Variants in MPRIP observed in about 807,000 individuals in gnomAD.
MPRIP encodes the protein myosin phosphatase Rho-interacting protein.
Under a neutral mutation model 234.9 loss-of-function variants are expected in MPRIP, and 59 were observed. The observed-to-expected ratio is 0.25, with a 90% CI of 0.20 to 0.31. The LOEUF is 0.31. MPRIP is among the 10% of genes least tolerant of loss of function. MPRIP has a pLI of 1.00. For synonymous variants in MPRIP, 1,144 were observed against 1,263.9 expected (o/e 0.91, Z 2.01); for missense variants, 2,436 against 3,071.0 (o/e 0.79, Z 4.89).
At chr17:17,062,438 C>A (rs1307341153) in intron 1 of MPRIP, among the ~76,000 whole-genome samples, 1 of 152,246 alleles carries the variant, frequency 6.6e-6, no homozygotes, top group Non-Finnish European at 1.5e-5. Flanking sequence ...CATCAACTCT[C>A]AATCTTTGTC....
At chr17:17,071,589 C>G (rs767768157) in intron 1 of MPRIP, among the ~76,000 whole-genome samples, 2 of 152,174 alleles carry the variant, frequency 1.3e-5, no homozygotes, top group Non-Finnish European at 2.9e-5. Flanking sequence ...TTTCAAGGCA[C>G]TGTTTTTGAA....
chr17:17,091,406 C>T (rs756621920), intron 3 of MPRIP, among the ~76,000 whole-genome samples: 3 of 152,084 alleles, frequency 2.0e-5, no homozygotes, highest in Non-Finnish European at 2.9e-5. Flanking sequence ...AGACAGATGC[C>T]GCTTGCTCCG....
In MPRIP at chr17:17,167,950, T is replaced by G. The variant is rs545354750; in HGVS notation, c.6324+35T>G. The G allele has an allele frequency of 9.4e-5, 120 of 1,270,516 alleles. No individual in the cohort carries two copies. Among genetic ancestry groups the G allele is most frequent in the Middle Eastern group, 2.2e-4 (1 of 4,580 alleles). The allele number at this position is 1,270,516 out of a possible 1,614,324, so 78.7% of individuals were successfully genotyped here. A position where few individuals can be genotyped will look rare whatever the true frequency, so the allele number is the denominator to read the frequency against. On this transcript the variant is annotated intron_variant, in intron 16 of 23. Transcript: ENST00000651222. The surrounding 1 kb of genome is among the most constrained non-coding windows in gnomAD (Gnocchi z 5.9). ...CCCCATTCAATTTGCAGAGCAGATC[T>G]TCCTTGATAATGGGGTGGGTGTGGG... is the stretch of plus-strand genomic sequence containing the variant.
chr17:17,186,456 T>C lies in MPRIP; in HGVS notation c.*1562T>C, dbSNP rs2046477068. Reference sequence around the variant, plus strand: ...AATAACTAAGTGCTCTCCACTGGCATCGAGCCCTTTCCACAAGTTTTTAAG... The same window carrying C: ...AATAACTAAGTGCTCTCCACTGGCACCGAGCCCTTTCCACAAGTTTTTAAG... On this transcript the variant is annotated 3_prime_UTR_variant, in exon 24 of 24. Coordinates refer to ENST00000651222, the MANE Select transcript of MPRIP (RefSeq NM_001364716.4). The C allele has an allele frequency of 6.6e-6, 1 of 152,230 alleles. No individual in the cohort carries two copies. Among genetic ancestry groups the C allele is most frequent in the South Asian group, 2.1e-4 (1 of 4,832 alleles). The allele number at this position is 152,230 out of a possible 1,614,324, so 9.4% of individuals were successfully genotyped here.
At chr17:17,171,359 T>G (rs1224062574) in intron 16 of MPRIP, 2 of 195,448 alleles carry the variant, frequency 1.0e-5, no homozygotes, top group Non-Finnish European at 2.1e-5. Context: ...TTCCTTCCTG[T>G]GGGTCCCACC....
chr17:17,165,012 G>A lies in MPRIP; in HGVS notation c.3421G>A (p.Asp1141Asn). 7.7e-7 allele frequency: 1 copy of A among 1,301,742 alleles called. No homozygotes were observed. Among genetic ancestry groups the A allele is most frequent in the Non-Finnish European group, 1.0e-6 (1 of 988,808 alleles). 80.6% of individuals were successfully genotyped at this position (1,301,742 alleles called of 1,614,324 possible). ...LREKLRRREA[D>N]NQSLEHSYQR... ...GGAAAAGCTGAGGAGAAGAGAGGCT[G>A]ACAACCAGAGCCTGGAGCACTCCTA... is the stretch of plus-strand genomic sequence containing the variant. Residue 1141 changes from aspartate to asparagine, a missense_variant, in exon 16 of 24, where the codon GAC becomes AAC. By Grantham distance (23) the Asp-to-Asn change is conservative. Coordinates refer to ENST00000651222, the MANE Select transcript of MPRIP (RefSeq NM_001364716.4).
chr17:17,129,701 A>G (rs1360419264), intron 4 of MPRIP, among the ~76,000 whole-genome samples: 1 of 152,054 alleles, frequency 6.6e-6, no homozygotes, highest in East Asian at 1.9e-4. Flanking sequence ...TCCAGGTTCC[A>G]TCCTGCAAGG....
At chr17:17,174,679 C>G (rs2144681038) in intron 19 of MPRIP, among the ~76,000 whole-genome samples, 1 of 151,720 alleles carries the variant, frequency 6.6e-6, no homozygotes, top group South Asian at 2.1e-4. Context: ...ACTAAAAATA[C>G]AAAAAATTAG....
chr17:17,121,959 A>G (rs1367926009), intron 3 of MPRIP, among the ~76,000 whole-genome samples: 3 of 152,210 alleles, frequency 2.0e-5, no homozygotes, highest in Non-Finnish European at 2.9e-5. Context: ...AGTGGCCTCC[A>G]GCTCCATCCA....
At chr17:17,053,264 C>T (rs2088596486) in intron 1 of MPRIP, among the ~76,000 whole-genome samples, 2 of 152,112 alleles carry the variant, frequency 1.3e-5, no homozygotes, top group Non-Finnish European at 2.9e-5. Context: ...GCTCCATTTT[C>T]CATGCTAATG....
chr17:17,114,652 G>GA (rs1454086277), intron 3 of MPRIP, among the ~76,000 whole-genome samples: 2 of 152,202 alleles, frequency 1.3e-5, no homozygotes. Flanking sequence ...TGAGGGGGAT[G>GA]AAAAGCTGTT....
chr17:17,157,929 G>A (rs1307037973), intron 13 of MPRIP, among the ~76,000 whole-genome samples: 2 of 152,154 alleles, frequency 1.3e-5, no homozygotes, highest in East Asian at 1.9e-4. Context: ...TGTCACCACT[G>A]TCCAGTCCAG....
intron 13 of MPRIP, among the ~76,000 whole-genome samples, chr17:17,156,412 T>C (rs1279641741): frequency 6.6e-6 from 1 of 152,224 alleles, no homozygotes; most frequent in African/African-American, 2.4e-5. Context: ...CCTCCACCAG[T>C]TTGTTTTCAG....
intron 11 of MPRIP, 185 bp from the exon 12 acceptor site, chr17:17,149,959 G>A (rs2045564151): frequency 1.8e-6 from 1 of 550,998 alleles, no homozygotes; most frequent in Non-Finnish European, 3.3e-6. Context: ...GGGACAGATG[G>A]TGGTGTGATT....
rs765177491 is a variant in MPRIP, at chr17:17,158,961, C to T, written c.2359C>T (p.Arg787Trp). 1.3e-5 allele frequency: 21 copies of T among 1,612,762 alleles called. No individual in the cohort carries two copies. The highest frequency in any genetic ancestry group is 8.9e-5 in the East Asian group (4 of 44,880). ...VHLSSEDGGD[R>W]LSTHELTSLL... ...CCTGTCTTCTGAAGATGGGGGTGACCGGCTCTCCACACACGAGCTGACCTC... is the reference window on the plus strand; with the variant it reads ...CCTGTCTTCTGAAGATGGGGGTGACTGGCTCTCCACACACGAGCTGACCTC... Residue 787 changes from arginine (R) to tryptophan (W), a missense_variant, in exon 14 of 24, where the codon CGG (arginine) becomes TGG (tryptophan). Arg to Trp is a moderately radical substitution (Grantham distance 101). Coordinates refer to ENST00000651222, the MANE Select transcript of MPRIP (RefSeq NM_001364716.4).
intron 3 of MPRIP, among the ~76,000 whole-genome samples, chr17:17,124,611 C>T (rs115079075): frequency 1.2e-4 from 18 of 152,332 alleles, no homozygotes; most frequent in African/African-American, 3.8e-4. Flanking sequence ...ACTCTAGTAA[C>T]GAGTGCACTG....
At chr17:17,175,199 A>G (rs2046228412) in intron 19 of MPRIP, 94 bp from the exon 20 acceptor site, 1 of 1,580,032 alleles carries the variant, frequency 6.3e-7, no homozygotes, top group South Asian at 1.1e-5. Context: ...CCACAGATAC[A>G]CAAAGAACCT....
chr17:17,109,516 G>A (rs1243306174), intron 3 of MPRIP, among the ~76,000 whole-genome samples: 1 of 152,218 alleles, frequency 6.6e-6, no homozygotes, highest in Non-Finnish European at 1.5e-5. Flanking sequence ...CCACGGAGGT[G>A]CTAGTGTGTT....
chr17:17,109,240 A>AC (rs2090121998), intron 3 of MPRIP, among the ~76,000 whole-genome samples: 1 of 152,196 alleles, frequency 6.6e-6, no homozygotes, highest in African/African-American at 2.4e-5. Flanking sequence ...CTGAGAATTC[A>AC]CCAGAGGGAC....
Sources: allele counts gnomAD v4.1 joint callset (sites outside exome capture counted in the v4.1 genomes callset), GRCh38; gene constraint gnomAD v4.1.1; non-coding constraint Gnocchi (gnomAD v3.1); transcripts MANE v1.5; gene names NCBI Gene and HGNC (gene_info 2026-07-23, HGNC 2026-07-21).